Variants in LOXL4 observed in about 807,000 individuals in gnomAD.
LOXL4 encodes the protein lysyl oxidase homolog 4.
Under a neutral mutation model 89.1 loss-of-function variants are expected in LOXL4, and 72 were observed. The observed-to-expected ratio is 0.81, with a 90% CI of 0.67 to 0.98. The LOEUF is 0.98. LOXL4 is among the 50% of genes least tolerant of loss of function. The probability of loss-of-function intolerance (pLI) is 0.00; values close to 1 mark genes in which losing one functional copy is unlikely to be tolerated. For synonymous variants in LOXL4, 355 were observed against 392.1 expected (o/e 0.91, Z 1.12); for missense variants, 984 against 1,017.5 (o/e 0.97, Z 0.45).
rs767476337 is a variant in LOXL4 at position 98,253,624 on chromosome 10, G to A, written c.1764C>T (p.Ile588=). ...GAAAGTCAGTCCGGCCCAGATTGTA[G>A]ATCTGTGTGGAGAAGCGCAATAGGC... ...YRRLLRFSTQ[I]YNLGRTDFRP... Residue 588 remains isoleucine, a synonymous_variant, in exon 11 of 15, where the codon ATC becomes ATT. Coordinates refer to ENST00000260702, the MANE Select transcript of LOXL4 (RefSeq NM_032211.7). The A allele has an allele frequency of 1.9e-6, 3 of 1,614,266 alleles. No individual in the cohort carries two copies. Among genetic ancestry groups the A allele is most frequent in the Non-Finnish European group, 2.5e-6 (3 of 1,180,046 alleles).
intron 9 of LOXL4, 89 bp downstream of exon 9, chr10:98,256,691 C>T: frequency 6.7e-7 from 1 of 1,499,814 alleles, no homozygotes; most frequent in Non-Finnish European, 9.2e-7. Flanking sequence ...GCCAAATGGG[C>T]AAAGAGGCAG....
In LOXL4 at chr10:98,259,017, AG is replaced by A; in HGVS notation, c.912del (p.Trp305GlyfsTer24). ...PPKTKPQRKG[S>X]WAEEPRVRLR... ...GGATGCCCAGGGCTCACCTCTGCCC[AG>A]GACCCTTTGCGTTGTGGCTTTGTCT... On this transcript the variant is annotated frameshift_variant, in exon 6 of 15. Transcript: ENST00000260702. LOFTEE classifies it high-confidence loss of function. 1 of 1,548,108 alleles carries A rather than the reference AG, an allele frequency of 6.5e-7. No homozygotes were observed. Among genetic ancestry groups the A allele is most frequent in the Non-Finnish European group, 8.7e-7 (1 of 1,144,788 alleles).
intron 1 of LOXL4, among the ~76,000 whole-genome samples, chr10:98,266,138 T>G (rs1858679322): frequency 6.6e-6 from 1 of 152,010 alleles, no homozygotes; most frequent in Admixed American, 6.6e-5. Flanking sequence ...GCCAAACCAC[T>G]CCCCAGATGG....
chr10:98,261,086 G>T lies in LOXL4; in HGVS notation c.498C>A (p.Ala166=). Residue 166 remains alanine, a synonymous_variant, in exon 4 of 15, where the codon GCC becomes GCA. Transcript: ENST00000260702. ...LEEVRLKPIL[A]SAKQHSPVTE... The stretch of plus-strand genomic sequence containing the variant: ...TCACTGGGCTATGCTGCTTGGCACT[G>T]GCAAGGATGGGCTTGAGCCGCACCT... The T allele has an allele frequency of 6.2e-7, 1 of 1,613,552 alleles. No homozygotes were observed. Among genetic ancestry groups the T allele is most frequent in the Admixed American group, 1.7e-5 (1 of 60,028 alleles).
chr10:98,267,185 A>C (rs994680497), intron 1 of LOXL4, among the ~76,000 whole-genome samples: 22 of 152,288 alleles, frequency 1.4e-4, no homozygotes, highest in East Asian at 7.7e-4. Context: ...CCGGACTCTC[A>C]AAACCACCAA....
chr10:98,251,014 T>G lies in LOXL4; in HGVS notation c.2200+51A>C, dbSNP rs770312604. On this transcript the variant is annotated intron_variant, in intron 14 of 14. Transcript: ENST00000260702. ...GGAGCAGAGGGTACATTTACAGTGT[T>G]CCAGCTCCCTGAGCCTATAGATGGC... 183 of 1,331,744 alleles carry G rather than the reference T, an allele frequency of 1.4e-4. 1 individual carries two copies. Among genetic ancestry groups the G allele is most frequent in the Non-Finnish European group, 4.0e-5 (37 of 926,022 alleles). 82.5% of individuals were successfully genotyped at this position (1,331,744 alleles called of 1,614,324 possible).
rs775392469 is a variant in LOXL4 at position 98,251,556 on chromosome 10, G to T, written c.2088+10C>A. ...ATCAGGCTCTGTGGGGAATCCCCCA[G>T]CCGCCTTACCTGGAAGATATAATTC... On this transcript the variant is annotated intron_variant, in intron 13 of 14. Coordinates refer to ENST00000260702, the MANE Select transcript of LOXL4 (RefSeq NM_032211.7). 3 of 1,613,716 alleles carry T rather than the reference G, an allele frequency of 1.9e-6. No homozygotes were observed. Among genetic ancestry groups the T allele is most frequent in the Admixed American group, 1.7e-5 (1 of 59,970 alleles).
chr10:98,257,949 C>G, intron 7 of LOXL4, 32 bp downstream of exon 7: 1 of 1,609,002 alleles, frequency 6.2e-7, no homozygotes, highest in Non-Finnish European at 8.5e-7. Flanking sequence ...CATATCCAGG[C>G]CTTCTAACCC....
rs1260900307 is a variant in LOXL4 at position 98,259,185 on chromosome 10, C to A, written c.745G>T (p.Val249Phe). 4 of 1,612,022 alleles carry A rather than the reference C, an allele frequency of 2.5e-6. No homozygotes were observed. Among genetic ancestry groups the A allele is most frequent in the Non-Finnish European group, 3.4e-6 (4 of 1,179,748 alleles). Residue 249 changes from valine to phenylalanine, a missense_variant, in exon 6 of 15, where the codon GTC (valine) becomes TTC (phenylalanine). Val to Phe is a conservative substitution (Grantham distance 50). Coordinates refer to ENST00000260702, the MANE Select transcript of LOXL4 (RefSeq NM_032211.7). The part of the protein sequence containing the change: ...TNKNSFWIHQ[V>F]TCLGTEPHMA... ...TGGGGCTCTGTCCCCAGGCAGGTGA[C>A]CTGGTGGATCCAGAAGGAGTTCTTA...
At chr10:98,250,236 A>G (rs1159662485) in intron 14 of LOXL4, among the ~76,000 whole-genome samples, 1 of 152,178 alleles carries the variant, frequency 6.6e-6, no homozygotes, top group Admixed American at 6.5e-5. Flanking sequence ...CCTCAGATCA[A>G]ATACTACTTC....
rs1172490699 is a variant in LOXL4 at position 98,259,163 on chromosome 10, G to C, written c.767C>G (p.Pro256Arg). The part of the protein sequence containing the change: ...IHQVTCLGTE[P>R]HMANCQVQVA... ...CTGCACCTGGCAGTTGGCCATGTGG[G>C]GCTCTGTCCCCAGGCAGGTGACCTG... is the stretch of plus-strand genomic sequence containing the variant. Residue 256 changes from proline to arginine, a missense_variant, in exon 6 of 15, where the codon CCC becomes CGC. Pro to Arg is a moderately radical substitution (Grantham distance 103, BLOSUM62 -2). Transcript: ENST00000260702. 7 of 1,612,284 alleles carry C rather than the reference G, an allele frequency of 4.3e-6. No homozygotes were observed. The highest frequency in any genetic ancestry group is 5.9e-6 in the Non-Finnish European group (7 of 1,179,856).
At chr10:98,257,084 T>G (rs1858398053) in intron 8 of LOXL4, 137 bp from the exon 9 acceptor site, 1 of 1,059,424 alleles carries the variant, frequency 9.4e-7, no homozygotes, top group Non-Finnish European at 1.3e-6. Flanking sequence ...CTTGGTCTCC[T>G]TCTCTGTAAG....
At chr10:98,264,258 C>T (rs954130553) in intron 1 of LOXL4, among the ~76,000 whole-genome samples, 1 of 149,742 alleles carries the variant, frequency 6.7e-6, no homozygotes, top group Non-Finnish European at 1.5e-5. Flanking sequence ...ATTAGGGAAG[C>T]CTTTCAAAGA....
chr10:98,253,796 C>G lies in LOXL4; in HGVS notation c.1592G>C (p.Ser531Thr), dbSNP rs781655197. Residue 531 changes from serine to threonine, a missense_variant and splice_region_variant, in exon 11 of 15, where the codon AGT becomes ACT. Coordinates refer to ENST00000260702, the MANE Select transcript of LOXL4 (RefSeq NM_032211.7). ...GGCGTTCATCACCAGGTCTGGTGCA[C>G]CTGGGGCGGCGGAGGGCATGGCAGT... is the stretch of plus-strand genomic sequence containing the variant. ...RFLAGVSCMD[S>T]APDLVMNAQL... is the part of the protein sequence containing the mutation. The G allele has an allele frequency of 6.2e-7, 1 of 1,613,794 alleles. No individual in the cohort carries two copies. Among genetic ancestry groups the G allele is most frequent in the East Asian group, 2.2e-5 (1 of 44,874 alleles).
rs112544300 is a variant in LOXL4, at chr10:98,260,939, G to A, written c.645C>T (p.Val215=). The A allele has an allele frequency of 9.9e-6, 16 of 1,611,564 alleles. No individual in the cohort carries two copies. Among genetic ancestry groups the A allele is most frequent in the South Asian group, 6.6e-5 (6 of 90,786 alleles). ...CCTCCTACCTGTAGTAGTGGCTGTC[G>A]ACAGGCACCTCGCTGGGGAAGCCCA... ...GMLGFPSEVP[V]DSHYYRKVWD... Residue 215 remains valine, a synonymous_variant, in exon 4 of 15, where the codon GTC becomes GTT. Transcript: ENST00000260702.
intron 10 of LOXL4, 105 bp downstream of exon 10, chr10:98,255,472 T>TC: frequency 7.8e-6 from 10 of 1,278,796 alleles, no homozygotes; most frequent in Non-Finnish European, 1.1e-5. Flanking sequence ...GTACTTTCAT[T>TC]CCCCCATGCT....
rs185649953 is a variant in LOXL4 at position 98,259,213 on chromosome 10, C to T, written c.717G>A (p.Thr239=). ...RDPKSRLKSL[T]NKNSFWIHQV... is the part of the protein sequence containing the mutation. ...GGTGGATCCAGAAGGAGTTCTTATT[C>T]GTCAGGCTCTTCAGCCTAGAGGACA... The change falls in exon 6 of 15, where the codon ACG becomes ACA. Residue 239 remains threonine, a synonymous_variant. Transcript: ENST00000260702. The T allele has an allele frequency of 1.1e-5, 17 of 1,610,956 alleles. No individual in the cohort carries two copies. Among genetic ancestry groups the T allele is most frequent in the African/African-American group, 8.0e-5 (6 of 74,950 alleles).
At chr10:98,251,942 T>A (rs1858204304) in intron 12 of LOXL4, 4 of 552,042 alleles carry the variant, frequency 7.2e-6, no homozygotes, top group South Asian at 7.1e-5. Context: ...ATTCCAACGC[T>A]CCCGTGCTAA....
rs774263486 is a variant in LOXL4, at chr10:98,251,679, C to T, written c.1975G>A (p.Ala659Thr). 1 of 1,614,096 alleles carries T rather than the reference C, an allele frequency of 6.2e-7. No individual in the cohort carries two copies. Among genetic ancestry groups the T allele is most frequent in the Non-Finnish European group, 8.5e-7 (1 of 1,180,046 alleles). The change falls in exon 13 of 15, where the codon GCC (alanine) becomes ACC (threonine). Residue 659 changes from alanine (A) to threonine (T), a missense_variant. Ala to Thr is a moderately conservative substitution (Grantham distance 58). Transcript: ENST00000260702. ...PTGLQRRYAC[A>T]NFGEQGVTVG... ...GTCACTCCCTGTTCTCCAAAGTTGG[C>T]ACATGCGTAGCGCCGCTGCAGTCCT...
Sources: gnomAD v4.1 joint callset for allele counts (sites outside exome capture counted in the v4.1 genomes callset) on GRCh38, gnomAD v4.1.1 for gene constraint, MANE v1.5 for transcripts, NCBI Gene and HGNC (gene_info 2026-07-23, HGNC 2026-07-21) for gene names.